Variants in ACAP2 observed in about 807,000 individuals in gnomAD.
ACAP2 encodes arf-GAP with coiled-coil, ANK repeat and PH domain-containing protein 2.
ACAP2 carries 39 observed loss-of-function variants against 115.8 expected under a neutral mutation model. The observed-to-expected ratio is 0.34, with a 90% confidence interval of 0.26 to 0.44. The LOEUF is 0.44. Ranked by LOEUF, ACAP2 falls within the 20% of genes least tolerant of loss-of-function variation. ACAP2 has a pLI of 1.00. For missense variants in ACAP2, 662 were observed against 927.6 expected (o/e 0.71, Z 3.72); for synonymous variants, 289 against 315.8 (o/e 0.92, Z 0.90).
At chr3:195,438,639 G>A (rs967523147) in intron 1 of ACAP2, among the ~76,000 whole-genome samples, 8 of 152,146 alleles carry the variant, frequency 5.3e-5, no homozygotes, top group East Asian at 3.8e-4. Context: ...AGGAGGCTGC[G>A]GCAGGAGAAT....
At chr3:195,414,445 C>G (rs551573639) in intron 1 of ACAP2, among the ~76,000 whole-genome samples, 1 of 152,252 alleles carries the variant, frequency 6.6e-6, no homozygotes, top group South Asian at 2.1e-4. Context: ...CCAGCAATCA[C>G]TCTCCTTGGT....
chr3:195,436,760 C>G (rs1047241015), intron 1 of ACAP2, among the ~76,000 whole-genome samples: 1 of 151,982 alleles, frequency 6.6e-6, no homozygotes, highest in Non-Finnish European at 1.5e-5. Flanking sequence ...ATTTGTCCTC[C>G]CGCACATCAC....
At chr3:195,351,979 C>CTATTTTACA (rs1490330213) in intron 4 of ACAP2, among the ~76,000 whole-genome samples, 4 of 152,142 alleles carry the variant, frequency 2.6e-5, no homozygotes, top group African/African-American at 9.7e-5. Flanking sequence ...ATCCACTTTG[C>CTATTTTACA]AAAACAACAT....
intron 2 of ACAP2, among the ~76,000 whole-genome samples, chr3:195,384,811 C>T (rs960954292): frequency 6.6e-6 from 1 of 152,106 alleles, no homozygotes; most frequent in African/African-American, 2.4e-5. Context: ...GACTGATTTT[C>T]ACTGGGTACA....
At chr3:195,394,584 G>A (rs1711582887) in intron 1 of ACAP2, among the ~76,000 whole-genome samples, 1 of 152,228 alleles carries the variant, frequency 6.6e-6, no homozygotes, top group Non-Finnish European at 1.5e-5. Context: ...GGGAAGCCGA[G>A]CTGGGCAGAT....
chr3:195,301,176 C>T (rs1728027323), intron 15 of ACAP2, among the ~76,000 whole-genome samples: 1 of 151,904 alleles, frequency 6.6e-6, no homozygotes, highest in Non-Finnish European at 1.5e-5. Context: ...AGCTCTGCCT[C>T]CCGGGTTCAC....
At chr3:195,385,288 C>T (rs1180017577) in intron 2 of ACAP2, among the ~76,000 whole-genome samples, 1 of 148,830 alleles carries the variant, frequency 6.7e-6, no homozygotes, top group African/African-American at 2.5e-5. Flanking sequence ...CTTACTGGCA[C>T]ATGGTAATTA....
intron 4 of ACAP2, chr3:195,349,837 G>A: frequency 2.8e-6 from 1 of 358,398 alleles, no homozygotes; most frequent in Non-Finnish European, 5.5e-6. Flanking sequence ...AATTCTAGAT[G>A]TGCGCATTGA....
At chr3:195,313,211 G>A (rs895470961) in intron 10 of ACAP2, among the ~76,000 whole-genome samples, 1 of 152,098 alleles carries the variant, frequency 6.6e-6, no homozygotes, top group Non-Finnish European at 1.5e-5. Flanking sequence ...GAAAATTTCA[G>A]GAATATTCAA....
In ACAP2 at chr3:195,345,270, G is replaced by A. The variant is rs763767566; in HGVS notation, c.333C>T (p.Asn111=). The A allele has an allele frequency of 2.5e-6, 4 of 1,610,858 alleles. No individual in the cohort carries two copies. Among genetic ancestry groups the A allele is most frequent in the Non-Finnish European group, 2.5e-6 (3 of 1,177,610 alleles). ...TQRSIKAQLQ[N]FVKEDLRKFK... ...CGCAATTGACTTACTCTTTAACAAAGTTCTGAAGCTGTGCCTTAATTGATC... is the reference window on the plus strand; with the variant it reads ...CGCAATTGACTTACTCTTTAACAAAATTCTGAAGCTGTGCCTTAATTGATC... The change falls in exon 5 of 23, where the codon AAC becomes AAT. Residue 111 remains asparagine, a synonymous_variant. Coordinates refer to ENST00000326793, the MANE Select transcript of ACAP2 (RefSeq NM_012287.6).
At chr3:195,419,049 G>T (rs560945074) in intron 1 of ACAP2, among the ~76,000 whole-genome samples, 1 of 152,134 alleles carries the variant, frequency 6.6e-6, no homozygotes, top group African/African-American at 2.4e-5. Flanking sequence ...TACTGAGGTA[G>T]TATCAGCATA....
chr3:195,414,628 G>A (rs369102444), intron 1 of ACAP2, among the ~76,000 whole-genome samples: 1 of 152,142 alleles, frequency 6.6e-6, no homozygotes, highest in African/African-American at 2.4e-5. Flanking sequence ...TACATTACAG[G>A]TTGAGCATCC....
At chr3:195,309,786 A>G (rs781741065) in intron 10 of ACAP2, among the ~76,000 whole-genome samples, 6 of 152,204 alleles carry the variant, frequency 3.9e-5, no homozygotes, top group Non-Finnish European at 7.4e-5. Flanking sequence ...TCACTCAACT[A>G]TTTATATGGT....
At chr3:195,359,718 C>G (rs1029013722) in intron 4 of ACAP2, among the ~76,000 whole-genome samples, 2 of 152,186 alleles carry the variant, frequency 1.3e-5, no homozygotes, top group Non-Finnish European at 2.9e-5. Context: ...CCGCCCGCCC[C>G]AGCCTCCCAA....
At chr3:195,352,889 T>G (rs1317333259) in intron 4 of ACAP2, among the ~76,000 whole-genome samples, 1 of 152,116 alleles carries the variant, frequency 6.6e-6, no homozygotes, top group Non-Finnish European at 1.5e-5. Context: ...CAGACCAGCC[T>G]GGCCAACATG....
intron 8 of ACAP2, among the ~76,000 whole-genome samples, chr3:195,330,686 T>C (rs1468483219): frequency 7.2e-5 from 11 of 152,194 alleles, no homozygotes; most frequent in Non-Finnish European, 8.8e-5. Context: ...CAATATCTAT[T>C]TTCTCCTTCT....
intron 8 of ACAP2, 33 bp from the exon 9 acceptor site, chr3:195,326,992 T>C (rs1166414556): frequency 6.4e-7 from 1 of 1,569,330 alleles, no homozygotes; most frequent in African/African-American, 1.4e-5. Flanking sequence ...ACTGCAGACT[T>C]AAAAAAAGTA....
At chr3:195,435,023 C>A (rs1031071352) in intron 1 of ACAP2, among the ~76,000 whole-genome samples, 1 of 150,732 alleles carries the variant, frequency 6.6e-6, no homozygotes, top group Non-Finnish European at 1.5e-5. Context: ...TTCAAAGAAC[C>A]ACCTTTTGGT....
At chr3:195,291,873 C>G (rs1248396642) in intron 19 of ACAP2, 58 bp from the exon 20 acceptor site, 17 of 1,424,608 alleles carry the variant, frequency 1.2e-5, no homozygotes, top group Admixed American at 7.1e-5. Context: ...AACAACAATA[C>G]ATTTCTTTTT....
Sources: gnomAD v4.1 joint callset for allele counts (sites outside exome capture counted in the v4.1 genomes callset) on GRCh38, gnomAD v4.1.1 for gene constraint, MANE v1.5 for transcripts, NCBI Gene and HGNC (gene_info 2026-07-23, HGNC 2026-07-21) for gene names.